Variants in CTNNA2 observed in about 807,000 individuals in gnomAD.
CTNNA2 encodes catenin alpha 2, also known as catenin alpha-2.
In CTNNA2, 42 loss-of-function variants were observed where a neutral mutation model predicts 101.0. The observed-to-expected ratio is 0.42, with a 90% confidence interval of 0.32 to 0.54. The LOEUF (loss-of-function observed/expected upper bound fraction) is 0.54. Ranked by LOEUF, CTNNA2 falls within the 20% of genes least tolerant of loss-of-function variation. The pLI, the probability that CTNNA2 is intolerant of heterozygous loss-of-function variation, is 0.14. For missense variants in CTNNA2, 871 were observed against 1,223.1 expected (o/e 0.71, Z 4.29); for synonymous variants, 450 against 456.4 (o/e 0.99, Z 0.18).
In CTNNA2 at chr2:80,204,863, C is replaced by T. The variant is rs571295619; in HGVS notation, c.1057-188348C>T. Among the ~76,000 whole-genome samples, 5 of 151,688 alleles carry T rather than the reference C, an allele frequency of 3.3e-5. 1 individual carries two copies. The South Asian group carries it at 1.0e-3, about 32-fold the overall frequency. Reference sequence around the variant, plus strand: ...AAAGATTTATGAACTTACACTTCCACATGGCTGGGAAGGCCTCACAATCAT... The same window carrying T: ...AAAGATTTATGAACTTACACTTCCATATGGCTGGGAAGGCCTCACAATCAT... On this transcript the variant is annotated intron_variant, in intron 7 of 18. Coordinates refer to ENST00000402739, the MANE Select transcript of CTNNA2 (RefSeq NM_001282597.3).
chr2:79,577,606 TG>T (rs994939412), intron 1 of CTNNA2, among the ~76,000 whole-genome samples: 40 of 152,250 alleles, frequency 2.6e-4, no homozygotes, highest in African/African-American at 9.4e-4. Flanking sequence ...AATTTTTTTT[TG>T]TAGATAGTCT....
chr2:80,569,893 C>A (rs969473547), intron 12 of CTNNA2, among the ~76,000 whole-genome samples: 1 of 151,894 alleles, frequency 6.6e-6, no homozygotes, highest in African/African-American at 2.4e-5. Context: ...CCACCCTCCT[C>A]GGCCTCCCAA....
chr2:80,390,593 T>C (rs909152182), intron 7 of CTNNA2, among the ~76,000 whole-genome samples: 2 of 152,180 alleles, frequency 1.3e-5, no homozygotes, highest in African/African-American at 4.8e-5. Flanking sequence ...GATTGTCAGA[T>C]TCAGCACATA....
intron 3 of CTNNA2, among the ~76,000 whole-genome samples, chr2:79,786,876 G>T (rs1043555458): frequency 1.3e-5 from 2 of 151,824 alleles, no homozygotes; most frequent in South Asian, 2.1e-4. Flanking sequence ...ACTGTTTATC[G>T]ATCTGGGAAC....
intron 9 of CTNNA2, among the ~76,000 whole-genome samples, chr2:80,427,140 A>C (rs143135833): frequency 2.2e-4 from 34 of 152,290 alleles, no homozygotes; most frequent in African/African-American, 8.2e-4. Context: ...TTAAAAGAGA[A>C]TAAAATAATA....
At chr2:80,591,480 C>CTTTTTTTTTTTTTTTTTTT (rs1473500318) in intron 15 of CTNNA2, among the ~76,000 whole-genome samples, 5 of 33,534 alleles carry the variant, frequency 1.5e-4, no homozygotes, top group African/African-American at 4.4e-4. Context: ...TTTTTTTTTG[C>CTTTTTTTTTTTTTTTTTTT]AAACAGACAG....
At chr2:79,578,422 T>C (rs1327478230) in intron 1 of CTNNA2, among the ~76,000 whole-genome samples, 1 of 152,232 alleles carries the variant, frequency 6.6e-6, no homozygotes, top group Non-Finnish European at 1.5e-5. Context: ...TTTGTGGGTT[T>C]CTTTTTCAGG....
chr2:79,246,966 G>A (rs1674708258), intron 2 of CTNNA2, among the ~76,000 whole-genome samples: 1 of 152,328 alleles, frequency 6.6e-6, no homozygotes. Flanking sequence ...GAAAGCTAGG[G>A]CTCATGGCCT....
intron 2 of CTNNA2, among the ~76,000 whole-genome samples, chr2:79,257,525 A>G (rs540253800): frequency 1.3e-5 from 2 of 152,058 alleles, no homozygotes; most frequent in African/African-American, 4.8e-5. Flanking sequence ...TCATAGGGAA[A>G]GTGGTACTTA....
chr2:79,187,136 AC>A (rs1241008602), intron 1 of CTNNA2, among the ~76,000 whole-genome samples: 2 of 152,110 alleles, frequency 1.3e-5, no homozygotes, highest in African/African-American at 4.8e-5. Context: ...AGAAATATCC[AC>A]ATTTGTGTCT....
intron 3 of CTNNA2, among the ~76,000 whole-genome samples, chr2:79,798,935 G>A (rs968990602): frequency 3.3e-5 from 5 of 152,126 alleles, no homozygotes; most frequent in African/African-American, 9.7e-5. Flanking sequence ...GGTGATGCAT[G>A]GAAAGTACGC....
chr2:80,523,460 G>C (rs1689751236), intron 9 of CTNNA2, among the ~76,000 whole-genome samples: 1 of 152,220 alleles, frequency 6.6e-6, no homozygotes, highest in Non-Finnish European at 1.5e-5. Context: ...ATAATGTTAG[G>C]CCTGCGTGAA....
At chr2:80,364,768 A>G (rs757789091) in intron 7 of CTNNA2, among the ~76,000 whole-genome samples, 2 of 152,136 alleles carry the variant, frequency 1.3e-5, no homozygotes, top group Non-Finnish European at 2.9e-5. Context: ...TGTTAAGGAA[A>G]TAAGCCTTTT....
chr2:79,438,243 C>T (rs1375253177), intron 4 of CTNNA2, among the ~76,000 whole-genome samples: 1 of 152,146 alleles, frequency 6.6e-6, no homozygotes, highest in Non-Finnish European at 1.5e-5. Context: ...GGGGGAGTCC[C>T]TGTGAAGCTG....
At chr2:80,580,658 G>T (rs545031305) in intron 13 of CTNNA2, among the ~76,000 whole-genome samples, 2 of 152,040 alleles carry the variant, frequency 1.3e-5, no homozygotes, top group African/African-American at 2.4e-5. Context: ...TCCTTTATGG[G>T]TATGTGGTAA....
At chr2:79,398,027 A>G (rs1678251134) in intron 4 of CTNNA2, among the ~76,000 whole-genome samples, 1 of 152,180 alleles carries the variant, frequency 6.6e-6, no homozygotes, top group African/African-American at 2.4e-5. Flanking sequence ...CTAACTAAAG[A>G]ACCAGAAAGC....
chr2:79,702,130 C>T (rs1573726438), intron 2 of CTNNA2, among the ~76,000 whole-genome samples: 2 of 151,396 alleles, frequency 1.3e-5, no homozygotes. Flanking sequence ...TCTGTGGAAT[C>T]GGAGATGATG....
chr2:80,313,883 C>G (rs1677846203), intron 7 of CTNNA2, among the ~76,000 whole-genome samples: 2 of 152,152 alleles, frequency 1.3e-5, no homozygotes, highest in Admixed American at 1.3e-4. Context: ...TACAAATGGG[C>G]AGGGCAGCAG....
At chr2:79,559,362 T>G (rs1674631329) in intron 1 of CTNNA2, among the ~76,000 whole-genome samples, 1 of 151,934 alleles carries the variant, frequency 6.6e-6, no homozygotes, top group Non-Finnish European at 1.5e-5. Flanking sequence ...TGGGTAGATG[T>G]GGGGCGGTTC....
Sources: gnomAD v4.1 joint callset for allele counts (sites outside exome capture counted in the v4.1 genomes callset) on GRCh38, gnomAD v4.1.1 for gene constraint, MANE v1.5 for transcripts, NCBI Gene and HGNC (gene_info 2026-07-23, HGNC 2026-07-21) for gene names.